Variants in COL28A1 observed in about 807,000 individuals in gnomAD.
The protein encoded by COL28A1 is collagen type XXVIII alpha 1 chain, also known as collagen alpha-1(XXVIII) chain.
COL28A1 carries 161 observed loss-of-function variants against 150.2 expected under a neutral mutation model. That is an observed-to-expected ratio of 1.07 (90% CI 0.94 to 1.22). The LOEUF (loss-of-function observed/expected upper bound fraction) is 1.22, where lower values mean the gene tolerates loss of function less well. Among genes scored for constraint, COL28A1 ranks in the 50% most tolerant of loss-of-function variants. The pLI, the probability that COL28A1 is intolerant of heterozygous loss-of-function variation, is 0.00. For missense variants in COL28A1, 1,617 were observed against 1,388.3 expected, an observed-to-expected ratio of 1.16 and a Z score of -2.62; for synonymous variants, 552 against 469.7, an observed-to-expected ratio of 1.18 and a Z score of -2.26.
At chr7:7,429,106 T>G (rs1447587796) in intron 25 of COL28A1, among the ~76,000 whole-genome samples, 1 of 152,238 alleles carries the variant, frequency 6.6e-6, no homozygotes, top group Non-Finnish European at 1.5e-5. Flanking sequence ...TTTCCTCATT[T>G]CAAAACACAT....
chr7:7,352,100 C>T (rs939708433), downstream of COL28A1, among the ~76,000 whole-genome samples: 2 of 152,178 alleles, frequency 1.3e-5, no homozygotes, highest in Non-Finnish European at 2.9e-5. Flanking sequence ...CTCTCTTAGT[C>T]TCCTTTTAAA....
At chr7:7,368,838 A>G (rs1479359140) in intron 33 of COL28A1, among the ~76,000 whole-genome samples, 1 of 152,218 alleles carries the variant, frequency 6.6e-6, no homozygotes, top group African/African-American at 2.4e-5. Flanking sequence ...CCAACAGACT[A>G]AGACACTTTC....
intron 15 of COL28A1, among the ~76,000 whole-genome samples, chr7:7,456,826 TAGATAAA>T (rs1296631602): frequency 6.6e-6 from 1 of 152,118 alleles, no homozygotes; most frequent in African/African-American, 2.4e-5. Context: ...ACAAGACAGG[TAGATAAA>T]ATAACTAGTA....
chr7:7,345,618 A>T, the COL28A1 span, among the ~76,000 whole-genome samples: 1 of 152,082 alleles, frequency 6.6e-6, no homozygotes, highest in Non-Finnish European at 1.5e-5. Context: ...CACTGGTATC[A>T]AATTCCATCT....
chr7:7,471,480 A>T (rs1463270696), intron 15 of COL28A1, among the ~76,000 whole-genome samples: 1 of 152,234 alleles, frequency 6.6e-6, no homozygotes, highest in Non-Finnish European at 1.5e-5. Flanking sequence ...ACAAAATACT[A>T]GCTAACTGAA....
chr7:7,493,897 T>C (rs2128373159), intron 11 of COL28A1, among the ~76,000 whole-genome samples: 1 of 152,014 alleles, frequency 6.6e-6, no homozygotes. Flanking sequence ...GCCCAAAAAA[T>C]TGCATGCCCA....
At chr7:7,446,122 T>C (rs1164480639) in intron 18 of COL28A1, among the ~76,000 whole-genome samples, 1 of 152,076 alleles carries the variant, frequency 6.6e-6, no homozygotes, top group African/African-American at 2.4e-5. Context: ...CCTCCCAAAG[T>C]GCTGGGATTA....
At chr7:7,390,436 T>C (rs1782471495) in intron 27 of COL28A1, among the ~76,000 whole-genome samples, 2 of 152,188 alleles carry the variant, frequency 1.3e-5, no homozygotes, top group South Asian at 4.1e-4. Context: ...TCATCAGGAA[T>C]ATTGGCCTGA....
intron 20 of COL28A1, among the ~76,000 whole-genome samples, chr7:7,442,155 C>CTT (rs1785846870): frequency 6.6e-6 from 1 of 152,192 alleles, no homozygotes; most frequent in African/African-American, 2.4e-5. Context: ...CCTCAAGCCA[C>CTT]AAATTCAGTA....
intron 15 of COL28A1, among the ~76,000 whole-genome samples, chr7:7,474,076 T>TAA (rs1788676502): frequency 6.8e-6 from 1 of 148,148 alleles, no homozygotes; most frequent in Admixed American, 6.8e-5. Context: ...ATGGAATATA[T>TAA]ATATATATAT....
intron 27 of COL28A1, 113 bp downstream of exon 27, chr7:7,417,746 G>A (rs1394915569): frequency 1.5e-5 from 13 of 853,724 alleles, no homozygotes; most frequent in South Asian, 2.8e-5. Context: ...ATTTAACTGC[G>A]AGGCTCACAA....
the COL28A1 span, among the ~76,000 whole-genome samples, chr7:7,351,095 T>C: frequency 6.6e-6 from 1 of 152,264 alleles, no homozygotes; most frequent in East Asian, 1.9e-4. Flanking sequence ...TTTATTGACG[T>C]GGAAACCATC....
In COL28A1 at chr7:7,517,855, CA is replaced by C. The variant is rs1480454093; in HGVS notation, c.814-19del. 1.9e-6 allele frequency: 3 copies of C among 1,613,302 alleles called. No individual in the cohort carries two copies. In the Admixed American group the frequency reaches 5.0e-5, roughly 27 times the overall value. ...GCGTTGCCCTGTGACAAACAAAAAA[CA>C]GTAAAAATTCCACAGCCCTGAAGAG... On this transcript the variant is annotated intron_variant, in intron 6 of 34. Transcript: ENST00000399429.
At chr7:7,417,005 T>C (rs560658610) in intron 27 of COL28A1, among the ~76,000 whole-genome samples, 1 of 151,924 alleles carries the variant, frequency 6.6e-6, no homozygotes, top group African/African-American at 2.4e-5. Flanking sequence ...AATATATATA[T>C]ATATAAATGT....
At chr7:7,438,018 G>A (rs1364776602) in intron 21 of COL28A1, among the ~76,000 whole-genome samples, 1 of 151,914 alleles carries the variant, frequency 6.6e-6, no homozygotes, top group Non-Finnish European at 1.5e-5. Context: ...CGGATCACTT[G>A]AGGTCAGGAG....
downstream of COL28A1, among the ~76,000 whole-genome samples, chr7:7,354,627 AG>A (rs765735137): frequency 9.1e-5 from 13 of 143,622 alleles, no homozygotes; most frequent in Non-Finnish European, 1.9e-4. Context: ...TATTGATTTC[AG>A]CAAGAATCTA....
At chr7:7,501,057 G>C (rs568925125) in intron 11 of COL28A1, among the ~76,000 whole-genome samples, 158 of 152,324 alleles carry the variant, frequency 1.0e-3, no homozygotes, top group African/African-American at 3.4e-3. Flanking sequence ...AACTGGGCCA[G>C]TCTAGTGCTA....
rs369654705 is a variant in COL28A1, at chr7:7,473,232, G to A, written c.1302+1369C>T. On this transcript the variant is annotated intron_variant, in intron 15 of 34. Coordinates refer to ENST00000399429, the MANE Select transcript of COL28A1 (RefSeq NM_001037763.3). ...CAGCAAAAGGCACAGCAAAAGGAAC[G>A]GTTAGCAGAGTAAACAGACAACCCA... is the stretch of plus-strand genomic sequence containing the variant. 5.7e-4 allele frequency among the ~76,000 whole-genome samples: 86 copies of A among 152,014 alleles called. 1 individual carries two copies. In the South Asian group the frequency reaches 8.9e-3, roughly 16 times the overall value.
At chr7:7,386,261 GA>G (rs2128291793) in intron 27 of COL28A1, among the ~76,000 whole-genome samples, 1 of 152,122 alleles carries the variant, frequency 6.6e-6, no homozygotes, top group South Asian at 2.1e-4. Context: ...TTTTTCTTTC[GA>G]AATGTTTTCT....
Sources: allele counts gnomAD v4.1 joint callset (sites outside exome capture counted in the v4.1 genomes callset), GRCh38; gene constraint gnomAD v4.1.1; transcripts MANE v1.5; gene names NCBI Gene and HGNC (gene_info 2026-07-23, HGNC 2026-07-21).